MAP3K2: variants seen among roughly 807,000 people sequenced by gnomAD.
MAP3K2 encodes the protein MAP/ERK kinase kinase 2.
Under a neutral mutation model 80.3 loss-of-function variants are expected in MAP3K2, and 24 were observed. The observed-to-expected ratio is 0.30, with a 90% CI of 0.22 to 0.42. The LOEUF is 0.42. Ranked by LOEUF, MAP3K2 falls within the 10% of genes least tolerant of loss-of-function variation. MAP3K2 has a pLI of 1.00. For synonymous variants in MAP3K2, 244 were observed against 253.7 expected (o/e 0.96, Z 0.36); for missense variants, 608 against 750.1 (o/e 0.81, Z 2.21).
At chr2:127,340,706 T>A (rs1686462782) in intron 2 of MAP3K2, among the ~76,000 whole-genome samples, 1 of 151,686 alleles carries the variant, frequency 6.6e-6, no homozygotes, top group East Asian at 1.9e-4. Flanking sequence ...ATACTAGGGA[T>A]AGATGAACTC....
chr2:127,307,884 C>G lies in MAP3K2; in HGVS notation c.1635-80G>C, dbSNP rs1685732323. Reference sequence around the variant, plus strand: ...AGTTAGCTAGAAAATGAGAAACAGGCATTAAGTCCATATATATTTAAATAT... The same window carrying G: ...AGTTAGCTAGAAAATGAGAAACAGGGATTAAGTCCATATATATTTAAATAT... On this transcript the variant is annotated intron_variant, in intron 16 of 16. Coordinates refer to ENST00000682094, the MANE Select transcript of MAP3K2 (RefSeq NM_001371910.2). The surrounding 1 kb of genome is among the most constrained non-coding windows in gnomAD (Gnocchi z 5.4). The G allele has an allele frequency of 1.2e-6, 1 of 860,376 alleles. No individual in the cohort carries two copies. The highest frequency in any genetic ancestry group is 1.7e-5 in the African/African-American group (1 of 58,936). The allele number at this position is 860,376 out of a possible 1,614,324, so 53.3% of individuals were successfully genotyped here.
chr2:127,365,501 TGGTTAGATAGAGCTGCAGTTGCC>T (rs1686958013), intron 1 of MAP3K2, among the ~76,000 whole-genome samples: 2 of 152,176 alleles, frequency 1.3e-5, no homozygotes, highest in South Asian at 4.1e-4. Flanking sequence ...CTGAAGAGTA[TGGTTAGATAGAGCTGCAGTTGCC>T]AGCCGACTGC....
chr2:127,347,190 G>A lies in MAP3K2; in HGVS notation c.-65-3996C>T, dbSNP rs774178890. ...CCAGTAAGGCCAGGAATATGGGGAT[G>A]TCCACTCTTGCCACACATCTATTTA... On this transcript the variant is annotated intron_variant, in intron 1 of 16. Coordinates refer to ENST00000682094, the MANE Select transcript of MAP3K2 (RefSeq NM_001371910.2). 5.3e-4 allele frequency among the ~76,000 whole-genome samples: 81 copies of A among 152,118 alleles called. 1 individual carries two copies. The highest frequency in any genetic ancestry group is 5.6e-4 in the Non-Finnish European group (38 of 67,996).
chr2:127,331,814 C>G (rs1254575129), intron 5 of MAP3K2, among the ~76,000 whole-genome samples: 1 of 152,172 alleles, frequency 6.6e-6, no homozygotes, highest in African/African-American at 2.4e-5. Flanking sequence ...ACATGTTGAC[C>G]AGGCTGGTCT....
At position 127,330,026 on chromosome 2, in the gene MAP3K2, C is replaced by CA; in HGVS notation, c.379-19dup. 1 of 1,396,278 alleles carries CA rather than the reference C, an allele frequency of 7.2e-7. No homozygotes were observed. Among genetic ancestry groups the CA allele is most frequent in the Non-Finnish European group, 1.0e-6 (1 of 984,468 alleles). 86.5% of individuals were successfully genotyped at this position (1,396,278 alleles called of 1,614,324 possible). ...TTAGTAGCCTACAAAGGAGAAAAGA[C>CA]AGTTAATGCTATTCTTCCTCCTTGG... On this transcript the variant is annotated intron_variant, in intron 6 of 16. Transcript: ENST00000682094.
At chr2:127,311,904 A>C (rs934094617) in intron 15 of MAP3K2, among the ~76,000 whole-genome samples, 1 of 152,050 alleles carries the variant, frequency 6.6e-6, no homozygotes, top group Non-Finnish European at 1.5e-5. Context: ...TTTTCTTTGC[A>C]ACTTATGAAG....
At chr2:127,324,296 A>G in intron 9 of MAP3K2, 55 bp from the exon 10 acceptor site, 1 of 1,090,286 alleles carries the variant, frequency 9.2e-7, no homozygotes, top group Non-Finnish European at 1.3e-6. Context: ...GACATTAAAA[A>G]GAAAATCTTT....
chr2:127,338,286 C>T (rs1009843437), intron 3 of MAP3K2, among the ~76,000 whole-genome samples: 2 of 152,064 alleles, frequency 1.3e-5, no homozygotes, highest in African/African-American at 4.8e-5. Flanking sequence ...AAGGGGTCAA[C>T]GTTGGCTGCA....
chr2:127,319,368 C>A (rs1417251223), intron 12 of MAP3K2, among the ~76,000 whole-genome samples: 1 of 151,986 alleles, frequency 6.6e-6, no homozygotes, highest in East Asian at 1.9e-4. Context: ...GGAGATAAAG[C>A]CTGCCTAAGA....
chr2:127,335,268 A>C (rs904314568), intron 5 of MAP3K2, among the ~76,000 whole-genome samples: 4 of 152,236 alleles, frequency 2.6e-5, no homozygotes, highest in African/African-American at 9.6e-5. Context: ...ATTATTAACT[A>C]AATTGTCCTA....
In MAP3K2 at chr2:127,307,599, T is replaced by C; in HGVS notation, c.1840A>G (p.Met614Val). ...GGCTGCTAGTGATAATGCACAAACA[T>C]GTGCCTTAAGAGTTCATCAGCTGAA... is the stretch of plus-strand genomic sequence containing the variant. ...RPSADELLRH[M>V]FVHYH The change falls in exon 17 of 17, where the codon ATG (methionine) becomes GTG (valine). Residue 614 changes from methionine to valine, a missense_variant. Around this residue, in one of 4 missense-constraint regions of MAP3K2, gnomAD observed 42 missense variants for 53.7 expected, o/e 0.78. Transcript: ENST00000682094. The surrounding 1 kb of genome is among the most constrained non-coding windows in gnomAD (Gnocchi z 5.4). 1 of 1,571,516 alleles carries C rather than the reference T, an allele frequency of 6.4e-7. No individual in the cohort carries two copies. Among genetic ancestry groups the C allele is most frequent in the South Asian group, 1.2e-5 (1 of 85,482 alleles).
upstream of MAP3K2, chr2:127,388,226 C>T (rs1687418181): frequency 1.2e-6 from 1 of 863,270 alleles, no homozygotes; most frequent in Non-Finnish European, 1.4e-6. Context: ...TGTGCTGTTC[C>T]GTGTGCGCGG....
At chr2:127,365,781 A>T (rs1441329057) in intron 1 of MAP3K2, among the ~76,000 whole-genome samples, 3 of 152,206 alleles carry the variant, frequency 2.0e-5, no homozygotes, top group Non-Finnish European at 2.9e-5. Flanking sequence ...ACTGCTTCAA[A>T]GAGGCTGAAT....
chr2:127,358,098 T>A (rs913439675), intron 1 of MAP3K2, among the ~76,000 whole-genome samples: 9 of 152,072 alleles, frequency 5.9e-5, no homozygotes, highest in African/African-American at 2.2e-4. Flanking sequence ...GTATCCAGAA[T>A]ATCTAAAGTA....
At chr2:127,357,320 C>G (rs965582722) in intron 1 of MAP3K2, among the ~76,000 whole-genome samples, 3 of 152,038 alleles carry the variant, frequency 2.0e-5, no homozygotes, top group African/African-American at 4.8e-5. Flanking sequence ...GAACTCATAC[C>G]TACAAAAAAA....
chr2:127,343,352 A>G, intron 1 of MAP3K2, 158 bp from the exon 2 acceptor site: 1 of 471,124 alleles, frequency 2.1e-6, no homozygotes, highest in South Asian at 4.3e-5. Flanking sequence ...TTGAAGGTTG[A>G]TCATGTAGGC....
chr2:127,370,888 A>C (rs1056406264), intron 1 of MAP3K2, among the ~76,000 whole-genome samples: 1 of 152,188 alleles, frequency 6.6e-6, no homozygotes, highest in Non-Finnish European at 1.5e-5. Context: ...AATAACAAAG[A>C]GGAAACGGAG....
chr2:127,315,594 T>C (rs1685885349), intron 14 of MAP3K2, among the ~76,000 whole-genome samples: 2 of 152,200 alleles, frequency 1.3e-5, no homozygotes, highest in Admixed American at 6.5e-5. Flanking sequence ...ACACCTACAG[T>C]TCAGCACGGC....
At chr2:127,373,765 A>C (rs1018773551) in intron 1 of MAP3K2, among the ~76,000 whole-genome samples, 4 of 152,186 alleles carry the variant, frequency 2.6e-5, no homozygotes, top group African/African-American at 7.2e-5. Context: ...CTCTCTCTCT[A>C]TGTCCAGTGA....
Sources: gnomAD v4.1 joint callset for allele counts (sites outside exome capture counted in the v4.1 genomes callset) on GRCh38, gnomAD v4.1.1 for gene constraint, gnomAD v4.1.1 regional missense constraint, Gnocchi (gnomAD v3.1) non-coding constraint, MANE v1.5 for transcripts, NCBI Gene and HGNC (gene_info 2026-07-23, HGNC 2026-07-21) for gene names.